Variants in SLC25A18 observed in about 807,000 individuals in gnomAD.
SLC25A18 encodes the protein solute carrier family 25 member 18.
A neutral mutation model predicts 31.1 loss-of-function variants in SLC25A18; 24 were observed. The ratio of observed to expected loss-of-function variants is 0.77; its 90% confidence interval spans 0.56 to 1.08. SLC25A18 has a LOEUF of 1.08. SLC25A18 is among the 50% of genes least tolerant of loss of function. SLC25A18 has a pLI of 0.00. For synonymous variants in SLC25A18, 173 were observed against 161.9 expected, an observed-to-expected ratio of 1.07 and a Z score of -0.52; for missense variants, 371 against 418.5, an observed-to-expected ratio of 0.89 and a Z score of 0.99.
rs1441804024 is a variant in SLC25A18, at chr22:17,590,221, A to AAAG, written c.934_936dup (p.Lys312dup). The AAAG allele has an allele frequency of 6.2e-7, 1 of 1,614,166 alleles. No individual in the cohort carries two copies. The highest frequency in any genetic ancestry group is 8.5e-7 in the Non-Finnish European group (1 of 1,180,006). ...TTATTGGGATTGGAGAGCGCATCTT[A>AAAG]AAGTGTTTTGACTAGACAGAGCTGG... is the stretch of plus-strand genomic sequence containing the variant. On this transcript the variant is annotated inframe_insertion, in exon 11 of 11. Coordinates refer to ENST00000327451, the MANE Select transcript of SLC25A18 (RefSeq NM_031481.3).
At chr22:17,580,744 G>C (rs906611559) in intron 3 of SLC25A18, 4 of 1,170,780 alleles carry the variant, frequency 3.4e-6, no homozygotes, top group Admixed American at 8.8e-5. Flanking sequence ...GGAAGCTTGG[G>C]GCAGAGCGGT....
chr22:17,581,624 C>T (rs1349953785), intron 5 of SLC25A18: 2 of 574,050 alleles, frequency 3.5e-6, no homozygotes, highest in Admixed American at 6.4e-5. Context: ...CCCGCCACCG[C>T]CTCAGTAAGA....
chr22:17,567,945 CA>C (rs1413688416), intron 1 of SLC25A18, among the ~76,000 whole-genome samples: 1 of 151,976 alleles, frequency 6.6e-6, no homozygotes, highest in African/African-American at 2.4e-5. Context: ...ACAAAGGAGA[CA>C]GGGTCGTTTA....
chr22:17,586,743 C>CA (rs1388795321), intron 7 of SLC25A18, among the ~76,000 whole-genome samples: 4 of 151,978 alleles, frequency 2.6e-5, no homozygotes, highest in South Asian at 4.2e-4. Context: ...CGCACCACTG[C>CA]AAAAAAATAA....
intron 7 of SLC25A18, among the ~76,000 whole-genome samples, chr22:17,585,881 G>A (rs901866164): frequency 6.6e-6 from 1 of 151,858 alleles, no homozygotes; most frequent in Non-Finnish European, 1.5e-5. Context: ...TTGAACTCCC[G>A]ACCTCAGGTG....
At chr22:17,579,537 C>T (rs1481118552) in intron 2 of SLC25A18, among the ~76,000 whole-genome samples, 1 of 152,176 alleles carries the variant, frequency 6.6e-6, no homozygotes, top group Non-Finnish European at 1.5e-5. Flanking sequence ...TTTCCTCCAG[C>T]CTCAGCAGGC....
chr22:17,585,689 C>T (rs1301165943), intron 7 of SLC25A18, among the ~76,000 whole-genome samples: 2 of 145,520 alleles, frequency 1.4e-5, no homozygotes. Context: ...CACTCTGTTG[C>T]CCAGGCTGGA....
intron 8 of SLC25A18, 105 bp downstream of exon 8, chr22:17,587,406 A>C: frequency 1.4e-6 from 2 of 1,383,840 alleles, no homozygotes; most frequent in East Asian, 2.3e-5. Flanking sequence ...AGAATATCCA[A>C]ACCCAGGTGA....
chr22:17,567,423 T>G (rs1000187943), intron 1 of SLC25A18, among the ~76,000 whole-genome samples: 3 of 152,034 alleles, frequency 2.0e-5, no homozygotes, highest in Non-Finnish European at 4.4e-5. Flanking sequence ...GGATGTCCCA[T>G]TCCCCTTTTA....
intron 2 of SLC25A18, among the ~76,000 whole-genome samples, chr22:17,577,542 C>G (rs922383860): frequency 6.7e-6 from 1 of 150,214 alleles, no homozygotes; most frequent in African/African-American, 2.5e-5. Context: ...AATTATTGGA[C>G]TCCCTGGCTT....
chr22:17,573,792 C>T (rs1193184585), intron 2 of SLC25A18, among the ~76,000 whole-genome samples: 2 of 152,174 alleles, frequency 1.3e-5, no homozygotes, highest in African/African-American at 2.4e-5. Context: ...CTCCCAGTAA[C>T]CCTTGTTCTC....
intron 1 of SLC25A18, among the ~76,000 whole-genome samples, chr22:17,568,900 A>G (rs886327618): frequency 4.6e-5 from 7 of 151,634 alleles, no homozygotes; most frequent in African/African-American, 1.5e-4. Context: ...TGGCTGGTAG[A>G]TATTTAAGAA....
chr22:17,571,794 G>A (rs938481851), intron 2 of SLC25A18, among the ~76,000 whole-genome samples: 1 of 151,242 alleles, frequency 6.6e-6, no homozygotes, highest in Non-Finnish European at 1.5e-5. Flanking sequence ...CAAGGCAGAC[G>A]GATCAGTTGA....
intron 7 of SLC25A18, among the ~76,000 whole-genome samples, chr22:17,586,204 A>G (rs1298994083): frequency 6.6e-6 from 1 of 152,182 alleles, no homozygotes; most frequent in Non-Finnish European, 1.5e-5. Context: ...GGAAAGCCAC[A>G]AATTCTTTTT....
chr22:17,578,761 G>A (rs1407112957), intron 2 of SLC25A18, among the ~76,000 whole-genome samples: 2 of 152,222 alleles, frequency 1.3e-5, no homozygotes, highest in Non-Finnish European at 2.9e-5. Flanking sequence ...TTCGCCCGGT[G>A]TGGTGGCACA....
At chr22:17,567,212 G>T (rs1474292059) in intron 1 of SLC25A18, among the ~76,000 whole-genome samples, 1 of 152,170 alleles carries the variant, frequency 6.6e-6, no homozygotes, top group Non-Finnish European at 1.5e-5. Context: ...CCTTTTATGT[G>T]CCAGGCACTG....
intron 2 of SLC25A18, 151 bp downstream of exon 2, chr22:17,570,137 G>A: frequency 5.0e-6 from 2 of 397,774 alleles, no homozygotes; most frequent in Non-Finnish European, 6.8e-6. Context: ...TGGGCACGAG[G>A]AAGTGGCCGC....
At chr22:17,571,907 A>G (rs1364781443) in intron 2 of SLC25A18, among the ~76,000 whole-genome samples, 1 of 152,048 alleles carries the variant, frequency 6.6e-6, no homozygotes, top group Admixed American at 6.6e-5. Context: ...AATCGCAGCT[A>G]CTGGGAGGCT....
intron 2 of SLC25A18, among the ~76,000 whole-genome samples, chr22:17,578,708 A>G (rs2057294860): frequency 6.6e-6 from 1 of 152,212 alleles, no homozygotes; most frequent in Non-Finnish European, 1.5e-5. Flanking sequence ...AGGCGAGTGG[A>G]TCACCTGAGG....
Sources: allele counts gnomAD v4.1 joint callset (sites outside exome capture counted in the v4.1 genomes callset), GRCh38; gene constraint gnomAD v4.1.1; transcripts MANE v1.5; gene names NCBI Gene and HGNC (gene_info 2026-07-23, HGNC 2026-07-21).